The following PTK2 variants were observed in gnomAD, a reference collection of about 807,000 sequenced individuals.
PTK2 encodes focal adhesion kinase 1.
In PTK2, 45 loss-of-function variants were observed where a neutral mutation model predicts 150.1. The observed-to-expected ratio is 0.30, with a 90% CI of 0.24 to 0.38. The LOEUF (loss-of-function observed/expected upper bound fraction) is 0.38. Among genes scored for constraint, PTK2 ranks in the 10% least tolerant of loss-of-function variants. PTK2 has a pLI of 1.00. For missense variants in PTK2, 919 were observed against 1,307.3 expected, an observed-to-expected ratio of 0.70 and a Z score of 4.58; for synonymous variants, 432 against 449.2, an observed-to-expected ratio of 0.96 and a Z score of 0.48.
chr8:140,954,599 T>C (rs2100180598), intron 1 of PTK2: 1 of 152,140 alleles, frequency 6.6e-6, no homozygotes. Flanking sequence ...ACTAAACAAT[T>C]TATATTTCTT....
chr8:140,673,959 A>G (rs1367008847), intron 29 of PTK2, among the ~76,000 whole-genome samples: 1 of 152,312 alleles, frequency 6.6e-6, no homozygotes, highest in African/African-American at 2.4e-5. Context: ...TGGTTTAATT[A>G]ATTTTTAAAA....
chr8:140,901,346 T>C (rs13255947), intron 2 of PTK2, among the ~76,000 whole-genome samples: 63,412 of 151,986 alleles, frequency 0.42, 15,154 homozygotes, highest in Non-Finnish European at 0.55. Context: ...GAAACACTTC[T>C]GGACACTGAT....
At chr8:140,716,486 T>C (rs2100039780) in intron 23 of PTK2, among the ~76,000 whole-genome samples, 1 of 152,234 alleles carries the variant, frequency 6.6e-6, no homozygotes, top group South Asian at 2.1e-4. Flanking sequence ...GTTTCTTCTC[T>C]GGGCCTCGGT....
intron 30 of PTK2, among the ~76,000 whole-genome samples, chr8:140,666,695 C>G (rs965898272): frequency 6.6e-6 from 1 of 152,042 alleles, no homozygotes; most frequent in Non-Finnish European, 1.5e-5. Context: ...ATGGTGCAGC[C>G]GCTGTGAAAA....
chr8:140,658,802 A>G, exon 32 of PTK2: 1 of 226,058 alleles, frequency 4.4e-6, no homozygotes, highest in African/African-American at 2.2e-5. Context: ...GTGAAAAAAG[A>G]CATGAGTTTT....
chr8:140,701,153 G>A, intron 25 of PTK2, 131 bp from the exon 29 acceptor site: 2 of 1,044,300 alleles, frequency 1.9e-6, no homozygotes, highest in Non-Finnish European at 1.3e-6. Flanking sequence ...CTCATACTGT[G>A]CTTGTGGGAA....
intron 1 of PTK2, among the ~76,000 whole-genome samples, chr8:140,942,014 C>G (rs573572091): frequency 1.6e-4 from 24 of 152,136 alleles, no homozygotes; most frequent in African/African-American, 5.3e-4. Flanking sequence ...CTCAGCCTCC[C>G]GAGTAGCTGG....
At chr8:140,895,266 G>A (rs942480651) in intron 2 of PTK2, among the ~76,000 whole-genome samples, 6 of 152,112 alleles carry the variant, frequency 3.9e-5, no homozygotes, top group Admixed American at 1.3e-4. Flanking sequence ...AGTGAATCAC[G>A]CCTGTAATCC....
At chr8:140,796,599 G>C (rs528198273) in intron 12 of PTK2, among the ~76,000 whole-genome samples, 1 of 152,248 alleles carries the variant, frequency 6.6e-6, no homozygotes, top group Admixed American at 6.5e-5. Context: ...TGGGTAGAAA[G>C]GCAGCTGTAA....
chr8:140,781,785 G>A (rs1197174492), intron 14 of PTK2, among the ~76,000 whole-genome samples: 1 of 152,144 alleles, frequency 6.6e-6, no homozygotes, highest in Non-Finnish European at 1.5e-5. Flanking sequence ...TACAACATAC[G>A]ATGCTGATAT....
intron 2 of PTK2, among the ~76,000 whole-genome samples, chr8:140,918,770 G>C (rs915811706): frequency 1.3e-5 from 2 of 152,196 alleles, no homozygotes; most frequent in African/African-American, 4.8e-5. Context: ...TAATGTGACT[G>C]ATAAAATCAA....
At chr8:140,703,686 C>T (rs2100032050) in intron 24 of PTK2, among the ~76,000 whole-genome samples, 2 of 152,170 alleles carry the variant, frequency 1.3e-5, no homozygotes, top group South Asian at 4.1e-4. Context: ...TAAGTCGTAC[C>T]TTTAAGTTCT....
rs939683467 is a variant in PTK2, at chr8:140,669,719, G to A, written c.2710-1295C>T. On this transcript the variant is annotated intron_variant, in intron 29 of 31. Transcript: ENST00000522684. ...CTGGACAGACACACAAAGACACGAT[G>A]TGCTTACCCTCCATGGCTATTGTCG... The A allele has an allele frequency of 1.8e-5, 28 of 1,533,580 alleles. No homozygotes were observed. The highest frequency in any genetic ancestry group is 1.7e-4 in the Middle Eastern group (1 of 5,984). 95.0% of individuals were successfully genotyped at this position (1,533,580 alleles called of 1,614,324 possible). A position where few individuals can be genotyped will look rare whatever the true frequency, so the allele number is the denominator to read the frequency against.
intron 26 of PTK2, among the ~76,000 whole-genome samples, chr8:140,691,677 A>C (rs1223599369): frequency 6.6e-6 from 1 of 152,220 alleles, no homozygotes; most frequent in Non-Finnish European, 1.5e-5. Context: ...CTGATTGTCC[A>C]TGCCTCTTTG....
chr8:140,706,273 G>A (rs2100033747), intron 23 of PTK2, 68 bp from the exon 27 acceptor site: 6 of 1,205,472 alleles, frequency 5.0e-6, no homozygotes, highest in African/African-American at 3.1e-5. Context: ...TTTATGAATC[G>A]AAAAAGACAT....
intron 24 of PTK2, among the ~76,000 whole-genome samples, chr8:140,705,423 G>A (rs946687400): frequency 2.6e-5 from 4 of 152,150 alleles, no homozygotes; most frequent in Non-Finnish European, 5.9e-5. Context: ...AGAACAGGCA[G>A]AAACCTCTGA....
intron 31 of PTK2, among the ~76,000 whole-genome samples, chr8:140,663,682 CT>C (rs531705594): frequency 1.1e-4 from 17 of 149,950 alleles, no homozygotes; most frequent in African/African-American, 3.7e-4. Context: ...TTCCTTAAAA[CT>C]TTTTTTTTTG....
At chr8:140,964,306 A>T (rs1474940924) in intron 1 of PTK2, among the ~76,000 whole-genome samples, 1 of 152,066 alleles carries the variant, frequency 6.6e-6, no homozygotes, top group East Asian at 1.9e-4. Context: ...AGCTCACTGT[A>T]GTCTCAGACA....
At chr8:140,993,879 G>A (rs1197162466) in intron 1 of PTK2, among the ~76,000 whole-genome samples, 2 of 152,010 alleles carry the variant, frequency 1.3e-5, no homozygotes, top group African/African-American at 4.8e-5. Flanking sequence ...ACAGGCACAC[G>A]CCACCACATT....
Sources: gnomAD v4.1 joint callset for allele counts (sites outside exome capture counted in the v4.1 genomes callset) on GRCh38, gnomAD v4.1.1 for gene constraint, MANE v1.5 for transcripts, NCBI Gene and HGNC (gene_info 2026-07-23, HGNC 2026-07-21) for gene names.